Variants in GLYATL3 observed in about 807,000 individuals in gnomAD.
GLYATL3 encodes the protein glycine-N-acyltransferase like 3, also known as glycine N-acyltransferase-like protein 3.
In GLYATL3, 31 loss-of-function variants were observed where a neutral mutation model predicts 28.5. The observed-to-expected ratio is 1.09, with a 90% CI of 0.82 to 1.47. The LOEUF is 1.47. Ranked by LOEUF, GLYATL3 falls within the 40% of genes most tolerant of loss-of-function variation. The pLI, the probability that GLYATL3 is intolerant of heterozygous loss-of-function variation, is 0.00. For missense variants in GLYATL3, 369 were observed against 351.5 expected (o/e 1.05, Z -0.40); for synonymous variants, 141 against 140.2 (o/e 1.01, Z -0.04).
At chr6:49,511,708 G>C (rs892527854) in intron 1 of GLYATL3, among the ~76,000 whole-genome samples, 1 of 152,136 alleles carries the variant, frequency 6.6e-6, no homozygotes, top group Non-Finnish European at 1.5e-5. Flanking sequence ...ACAGAGTTTA[G>C]AGTACAATCA....
intron 1 of GLYATL3, among the ~76,000 whole-genome samples, chr6:49,500,684 G>A (rs1303367014): frequency 6.6e-6 from 1 of 152,088 alleles, no homozygotes; most frequent in African/African-American, 2.4e-5. Context: ...GAGTCTATTG[G>A]TTATAATTTG....
rs138049645 is a variant in GLYATL3, at chr6:49,514,994, T to C, written c.79-659T>C. 2.8e-3 allele frequency among the ~76,000 whole-genome samples: 430 copies of C among 152,298 alleles called. 2 individuals carry two copies. The highest frequency in any genetic ancestry group is 9.8e-3 in the African/African-American group (407 of 41,568). On this transcript the variant is annotated intron_variant, in intron 2 of 5. Coordinates refer to ENST00000371197, the MANE Select transcript of GLYATL3 (RefSeq NM_001010904.2). ...AGAAAGAATTATAATATTATTCCAGTTTGGTTGAGTCACCAAGCATTCAAT... is the reference window on the plus strand; with the variant it reads ...AGAAAGAATTATAATATTATTCCAGCTTGGTTGAGTCACCAAGCATTCAAT...
chr6:49,512,101 T>A, intron 2 of GLYATL3, 33 bp downstream of exon 2: 2 of 970,490 alleles, frequency 2.1e-6, no homozygotes, highest in South Asian at 1.6e-5. Context: ...ATTTTATTTC[T>A]TTATTGTGTT....
At chr6:49,508,281 G>T (rs1769051889) in intron 1 of GLYATL3, among the ~76,000 whole-genome samples, 1 of 152,132 alleles carries the variant, frequency 6.6e-6, no homozygotes, top group Non-Finnish European at 1.5e-5. Context: ...GGGCGACACA[G>T]TGAGACTCCC....
intron 1 of GLYATL3, among the ~76,000 whole-genome samples, chr6:49,503,505 C>T (rs944412494): frequency 1.3e-5 from 2 of 152,178 alleles, no homozygotes; most frequent in South Asian, 2.1e-4. Flanking sequence ...GTTGTCACTA[C>T]TTTTTTGATA....
intron 1 of GLYATL3, among the ~76,000 whole-genome samples, chr6:49,509,119 T>G (rs1414467788): frequency 1.3e-5 from 2 of 152,064 alleles, no homozygotes; most frequent in African/African-American, 4.8e-5. Context: ...ATCATGAAAC[T>G]AATCATATTT....
At chr6:49,512,626 A>C (rs9463493) in intron 2 of GLYATL3, among the ~76,000 whole-genome samples, 9 of 151,938 alleles carry the variant, frequency 5.9e-5, no homozygotes, top group Admixed American at 5.9e-4. Context: ...TAAAATAATA[A>C]AACTGAGGTT....
chr6:49,515,720 G>A lies in GLYATL3; in HGVS notation c.146G>A (p.Trp49Ter), dbSNP rs367675472. 8.1e-5 allele frequency: 125 copies of A among 1,551,144 alleles called. No individual in the cohort carries two copies. The African/African-American group carries it at 1.5e-3, about 19-fold the overall frequency. The change falls in exon 3 of 6, where the codon TGG becomes TAG. Residue 49 changes from tryptophan to a stop codon, truncating the protein, a stop_gained. Transcript: ENST00000371197. LOFTEE classifies it high-confidence loss of function. ...CAAAAGGAAGTGGTGTTGGATTCAT[G>A]GCCGGATTTCAAAGCTGTTATCACC... ...PFQKEVVLDS[W>*]PDFKAVITRR... is the part of the protein sequence containing the mutation.
At chr6:49,519,928 A>G (rs895999609) in intron 4 of GLYATL3, among the ~76,000 whole-genome samples, 1 of 152,172 alleles carries the variant, frequency 6.6e-6, no homozygotes, top group African/African-American at 2.4e-5. Context: ...GATAATCTAC[A>G]TGTGTACTAA....
At chr6:49,524,809 A>G (rs1030060100) in intron 5 of GLYATL3, among the ~76,000 whole-genome samples, 2 of 151,882 alleles carry the variant, frequency 1.3e-5, no homozygotes, top group South Asian at 2.1e-4. Flanking sequence ...GCAAAACTCC[A>G]TATCTACTGA....
chr6:49,515,996 A>G (rs1040014070), intron 3 of GLYATL3, among the ~76,000 whole-genome samples: 1 of 135,054 alleles, frequency 7.4e-6, no homozygotes, highest in African/African-American at 2.8e-5. Flanking sequence ...GTGCAGTGGC[A>G]TGATCTCAGC....
At chr6:49,524,655 T>C (rs1487195052) in intron 5 of GLYATL3, among the ~76,000 whole-genome samples, 1 of 152,162 alleles carries the variant, frequency 6.6e-6, no homozygotes, top group East Asian at 1.9e-4. Context: ...TGGTACTATT[T>C]AACCTAGAAA....
intron 1 of GLYATL3, among the ~76,000 whole-genome samples, chr6:49,503,466 G>A (rs1205966260): frequency 2.0e-5 from 3 of 152,228 alleles, no homozygotes; most frequent in African/African-American, 7.2e-5. Flanking sequence ...AGGAAAAAAG[G>A]AGTTAAATAT....
intron 3 of GLYATL3, 142 bp from the exon 4 acceptor site, chr6:49,517,288 C>T (rs1769233800): frequency 4.0e-6 from 2 of 504,626 alleles, no homozygotes; most frequent in Non-Finnish European, 6.6e-6. Flanking sequence ...TCCCATTTAG[C>T]CATTGCTTTA....
chr6:49,508,524 A>G (rs1769056818), intron 1 of GLYATL3, among the ~76,000 whole-genome samples: 1 of 152,214 alleles, frequency 6.6e-6, no homozygotes, highest in African/African-American at 2.4e-5. Flanking sequence ...AGATGAGGGC[A>G]TTACAGCCCT....
rs544088659 is a variant in GLYATL3 at position 49,517,430 on chromosome 6, G to A, written c.187G>A (p.Ala63Thr). 5.9e-6 allele frequency: 9 copies of A among 1,538,092 alleles called. No homozygotes were observed. Among genetic ancestry groups the A allele is most frequent in the Non-Finnish European group, 7.9e-6 (9 of 1,140,774 alleles). ...TTTGTGATTATGTCTTCTGTCCTAG[G>A]CTGAGACAGATAACCTTGATCATTA... ...KAVITRRQRE[A>T]ETDNLDHYTN... Residue 63 changes from alanine to threonine, a missense_variant and splice_region_variant, in exon 4 of 6, where the codon GCT (alanine) becomes ACT (threonine). Ala to Thr is a moderately conservative substitution (Grantham distance 58). Transcript: ENST00000371197.
intron 3 of GLYATL3, among the ~76,000 whole-genome samples, chr6:49,516,928 C>T (rs1425889818): frequency 2.0e-5 from 3 of 151,572 alleles, no homozygotes; most frequent in East Asian, 2.0e-4. Context: ...GAGGCCTAGG[C>T]GGGCGGATCA....
chr6:49,506,229 TCC>T (rs1399449594), intron 1 of GLYATL3, among the ~76,000 whole-genome samples: 2 of 152,112 alleles, frequency 1.3e-5, no homozygotes, highest in African/African-American at 2.4e-5. Flanking sequence ...CAATGTGGAG[TCC>T]TGCATTGGCA....
At chr6:49,507,004 A>C (rs1367658137) in intron 1 of GLYATL3, among the ~76,000 whole-genome samples, 2 of 152,156 alleles carry the variant, frequency 1.3e-5, no homozygotes, top group Non-Finnish European at 2.9e-5. Flanking sequence ...TGAATGCCAC[A>C]CATCCTCCTC....
Sources: gnomAD v4.1 joint callset for allele counts (sites outside exome capture counted in the v4.1 genomes callset) on GRCh38, gnomAD v4.1.1 for gene constraint, MANE v1.5 for transcripts, NCBI Gene and HGNC (gene_info 2026-07-23, HGNC 2026-07-21) for gene names.